The following RTN4 variants were observed in gnomAD, a reference collection of about 807,000 sequenced individuals.
The protein encoded by RTN4 is reticulon-4.
RTN4 carries 32 observed loss-of-function variants against 90.4 expected under a neutral mutation model. The ratio of observed to expected loss-of-function variants is 0.35; its 90% CI spans 0.27 to 0.48. RTN4 has a LOEUF of 0.48. Ranked by LOEUF, RTN4 falls within the 20% of genes least tolerant of loss-of-function variation. The pLI, the probability that RTN4 is intolerant of heterozygous loss-of-function variation, is 0.99. For missense variants in RTN4, 1,706 were observed against 1,430.2 expected, an observed-to-expected ratio of 1.19 and a Z score of -3.11; for synonymous variants, 629 against 552.5, an observed-to-expected ratio of 1.14 and a Z score of -1.94.
At chr2:55,077,993 G>C (rs767421471) in intron 2 of RTN4, among the ~76,000 whole-genome samples, 9 of 151,498 alleles carry the variant, frequency 5.9e-5, no homozygotes, top group Non-Finnish European at 1.2e-4. Context: ...TACCATGGAC[G>C]TTTGGGGACT....
chr2:55,129,965 A>G, the RTN4 span, among the ~76,000 whole-genome samples: 1 of 152,240 alleles, frequency 6.6e-6, no homozygotes, highest in African/African-American at 2.4e-5. Context: ...AAATTTTAAA[A>G]TGTGCATGCT....
At chr2:55,093,498 C>T (rs1401242369) in intron 1 of RTN4, among the ~76,000 whole-genome samples, 6 of 152,006 alleles carry the variant, frequency 3.9e-5, no homozygotes, top group African/African-American at 1.4e-4. Context: ...GTTTATTATG[C>T]TGAGGGAAGT....
At chr2:55,096,092 C>A (rs545363760) in intron 1 of RTN4, among the ~76,000 whole-genome samples, 1 of 152,082 alleles carries the variant, frequency 6.6e-6, no homozygotes, top group East Asian at 1.9e-4. Flanking sequence ...TTTGGGAGGC[C>A]GAGGCGGGTG....
intron 1 of RTN4, among the ~76,000 whole-genome samples, chr2:55,036,862 G>C (rs997201421): frequency 2.6e-5 from 4 of 152,208 alleles, no homozygotes; most frequent in African/African-American, 7.2e-5. Flanking sequence ...AAAGGTGAAA[G>C]ACTAATGCAT....
Position 54,973,514 on chromosome 2 carries a change from T to TC in RTN4, c.3536+48dup, listed in dbSNP as rs779957389. Reference sequence around the variant, plus strand: ...CAATATGAAAATACTGTTCTCACAATCCAGCACACCTTATCCTAGTAAAAA... The same window carrying TC: ...CAATATGAAAATACTGTTCTCACAATCCCAGCACACCTTATCCTAGTAAAAA... On this transcript the variant is annotated intron_variant, in intron 8 of 8. Transcript: ENST00000337526. The TC allele has an allele frequency of 9.4e-6, 13 of 1,387,874 alleles. No individual in the cohort carries two copies. In the African/African-American group the frequency reaches 1.3e-4, roughly 14 times the overall value. The allele number at this position is 1,387,874 out of a possible 1,614,324, so 86.0% of individuals were successfully genotyped here.
the RTN4 span, among the ~76,000 whole-genome samples, chr2:55,131,270 G>A: frequency 2.0e-5 from 3 of 150,238 alleles, no homozygotes; most frequent in African/African-American, 7.3e-5. Context: ...GTGCAGTGGT[G>A]CAATCTCAGC....
chr2:54,980,853 TA>T (rs1344097766), intron 5 of RTN4, among the ~76,000 whole-genome samples: 1 of 152,236 alleles, frequency 6.6e-6, no homozygotes, highest in African/African-American at 2.4e-5. Flanking sequence ...ACACATGTTC[TA>T]CCCTAGAAGT....
intron 2 of RTN4, among the ~76,000 whole-genome samples, chr2:55,064,379 C>T (rs1305919620): frequency 1.2e-4 from 15 of 121,204 alleles, no homozygotes; most frequent in African/African-American, 4.3e-4. Context: ...GACAGAGTTT[C>T]ACTCTGTTGC....
At chr2:55,119,301 T>C in the RTN4 span, among the ~76,000 whole-genome samples, 2 of 152,252 alleles carry the variant, frequency 1.3e-5, no homozygotes, top group Non-Finnish European at 2.9e-5. Context: ...CTGGGAGCTA[T>C]AGTCTATGCC....
At chr2:55,000,343 A>G (rs1679764771) in intron 3 of RTN4, among the ~76,000 whole-genome samples, 1 of 151,820 alleles carries the variant, frequency 6.6e-6, no homozygotes, top group Admixed American at 6.5e-5. Flanking sequence ...GTTTTTAAAC[A>G]GATACGTGCA....
chr2:55,080,872 A>G (rs1434172791), intron 1 of RTN4, among the ~76,000 whole-genome samples: 1 of 152,238 alleles, frequency 6.6e-6, no homozygotes, highest in African/African-American at 2.4e-5. Context: ...TTGATTTGAA[A>G]GAACTAATTT....
intron 1 of RTN4, among the ~76,000 whole-genome samples, chr2:55,039,478 T>C (rs1361264853): frequency 6.6e-6 from 1 of 152,232 alleles, no homozygotes; most frequent in Non-Finnish European, 1.5e-5. Context: ...AGACCATTTA[T>C]GACATTCAGT....
chr2:55,015,219 G>A (rs1680946035), intron 3 of RTN4, among the ~76,000 whole-genome samples: 16 of 152,064 alleles, frequency 1.1e-4, no homozygotes, highest in Admixed American at 1.0e-3. Context: ...TAACTTTCTG[G>A]CTTTTCCACA....
chr2:55,023,578 C>T (rs1681605448), intron 3 of RTN4, among the ~76,000 whole-genome samples: 1 of 152,090 alleles, frequency 6.6e-6, no homozygotes, highest in African/African-American at 2.4e-5. Context: ...GGCAGCACAT[C>T]CCCATCCCCT....
intron 1 of RTN4, among the ~76,000 whole-genome samples, chr2:55,103,904 A>G (rs1667897737): frequency 6.6e-6 from 1 of 152,076 alleles, no homozygotes; most frequent in African/African-American, 2.4e-5. Context: ...CATGTTGGCC[A>G]GGCTGGTCTC....
chr2:55,135,232 G>C, the RTN4 span, among the ~76,000 whole-genome samples: 1 of 137,962 alleles, frequency 7.2e-6, no homozygotes, highest in Non-Finnish European at 1.5e-5. Flanking sequence ...TTTTGAGATG[G>C]AGTCTTGCTC....
At chr2:55,048,398 A>G (rs1301513956) in intron 1 of RTN4, among the ~76,000 whole-genome samples, 4 of 152,236 alleles carry the variant, frequency 2.6e-5, no homozygotes, top group Admixed American at 2.6e-4. Flanking sequence ...TCTATTTTAT[A>G]AACTTTTTGG....
chr2:55,070,115 A>G (rs575533349), intron 2 of RTN4, among the ~76,000 whole-genome samples: 2 of 152,144 alleles, frequency 1.3e-5, no homozygotes, highest in Non-Finnish European at 2.9e-5. Flanking sequence ...GGGTTCCTCA[A>G]CCTCAGAACA....
intron 2 of RTN4, among the ~76,000 whole-genome samples, chr2:55,073,220 T>C (rs1479023637): frequency 6.6e-6 from 1 of 152,238 alleles, no homozygotes; most frequent in Non-Finnish European, 1.5e-5. Flanking sequence ...CTTGTGACCT[T>C]TTTCTTGCCT....
Sources: allele counts gnomAD v4.1 joint callset (sites outside exome capture counted in the v4.1 genomes callset), GRCh38; gene constraint gnomAD v4.1.1; transcripts MANE v1.5; gene names NCBI Gene and HGNC (gene_info 2026-07-23, HGNC 2026-07-21).